Variants in LMBR1 observed in about 807,000 individuals in gnomAD.
LMBR1 encodes limb development membrane protein 1.
A neutral mutation model predicts 73.9 loss-of-function variants in LMBR1; 52 were observed. The observed-to-expected ratio is 0.70, with a 90% CI of 0.56 to 0.89. The LOEUF (loss-of-function observed/expected upper bound fraction) is 0.89, where lower values mean the gene tolerates loss of function less well. Among genes scored for constraint, LMBR1 ranks in the 40% least tolerant of loss-of-function variants. The pLI is 0.00. For missense variants in LMBR1, 539 were observed against 579.8 expected, an observed-to-expected ratio of 0.93 and a Z score of 0.72; for synonymous variants, 215 against 209.4, an observed-to-expected ratio of 1.03 and a Z score of -0.23.
intron 8 of LMBR1, among the ~76,000 whole-genome samples, chr7:156,758,650 A>G (rs1344226123): frequency 6.6e-6 from 1 of 152,172 alleles, no homozygotes; most frequent in East Asian, 1.9e-4. Flanking sequence ...GCCCTGTGAC[A>G]CAAATGCTCC....
At chr7:156,727,540 A>G (rs1816012852) in intron 12 of LMBR1, among the ~76,000 whole-genome samples, 1 of 152,210 alleles carries the variant, frequency 6.6e-6, no homozygotes, top group African/African-American at 2.4e-5. Context: ...GCTTGTACTC[A>G]TGGAGAAGAG....
chr7:156,766,690 C>A (rs1335395912), intron 5 of LMBR1, among the ~76,000 whole-genome samples: 2 of 152,030 alleles, frequency 1.3e-5, no homozygotes, highest in Admixed American at 1.3e-4. Flanking sequence ...AGTGTGCTCA[C>A]CCAAGTGGTG....
chr7:156,703,236 C>G (rs1585267358), intron 15 of LMBR1, among the ~76,000 whole-genome samples: 1 of 152,158 alleles, frequency 6.6e-6, no homozygotes, highest in South Asian at 2.1e-4. Context: ...ATTAGCAGCA[C>G]CAACCACTGG....
intron 4 of LMBR1, among the ~76,000 whole-genome samples, chr7:156,809,535 T>G (rs1458761007): frequency 1.3e-5 from 2 of 152,244 alleles, no homozygotes; most frequent in Non-Finnish European, 2.9e-5. Flanking sequence ...TGTAAATCTA[T>G]GTAAATAATT....
chr7:156,675,765 G>T (rs199618037), downstream of LMBR1: 2 of 1,613,924 alleles, frequency 1.2e-6, no homozygotes, highest in Admixed American at 1.7e-5. Context: ...TGCAGAAATC[G>T]ATCAGTGCTT....
intron 2 of LMBR1, among the ~76,000 whole-genome samples, chr7:156,835,686 C>T (rs1228524303): frequency 1.5e-5 from 2 of 133,230 alleles, no homozygotes; most frequent in Admixed American, 1.6e-4. Context: ...CAGAGTGAGA[C>T]TCCATCTCAA....
intron 9 of LMBR1, among the ~76,000 whole-genome samples, chr7:156,755,857 G>A (rs905848337): frequency 1.5e-4 from 23 of 152,290 alleles, no homozygotes; most frequent in African/African-American, 4.6e-4. Flanking sequence ...ACTGAAGAAA[G>A]TAGGTAGATA....
At chr7:156,887,267 A>T (rs1321356516) in intron 1 of LMBR1, among the ~76,000 whole-genome samples, 1 of 152,156 alleles carries the variant, frequency 6.6e-6, no homozygotes, top group African/African-American at 2.4e-5. Context: ...GATTGAGACC[A>T]TTCTGGCCAA....
rs1563237915 is a variant in LMBR1, at chr7:156,734,157, A to AG, written c.838+19dup. ...GAAACCAAGGCCAATACACAAGTCA[A>AG]GAAAAAAAAAGTACAATACCTAATT... is the stretch of plus-strand genomic sequence containing the variant. On this transcript the variant is annotated intron_variant, in intron 10 of 16. Coordinates refer to ENST00000353442, the MANE Select transcript of LMBR1 (RefSeq NM_022458.4). 2 of 1,507,556 alleles carry AG rather than the reference A, an allele frequency of 1.3e-6. No homozygotes were observed. Among genetic ancestry groups the AG allele is most frequent in the Admixed American group, 3.9e-5 (2 of 51,168 alleles). 93.4% of individuals were successfully genotyped at this position (1,507,556 alleles called of 1,614,324 possible).
At chr7:156,739,555 T>G (rs1047626932) in intron 9 of LMBR1, among the ~76,000 whole-genome samples, 6 of 151,954 alleles carry the variant, frequency 3.9e-5, no homozygotes, top group African/African-American at 1.5e-4. Flanking sequence ...GCCACAGGAG[T>G]GCTTGCATCA....
chr7:156,821,664 G>C (rs1262503073), intron 4 of LMBR1, among the ~76,000 whole-genome samples: 1 of 152,220 alleles, frequency 6.6e-6, no homozygotes, highest in Admixed American at 6.5e-5. Context: ...AAAAAAATGT[G>C]AAAGTATTTG....
At chr7:156,747,581 C>T (rs1246731483) in intron 9 of LMBR1, among the ~76,000 whole-genome samples, 1 of 152,118 alleles carries the variant, frequency 6.6e-6, no homozygotes, top group African/African-American at 2.4e-5. Context: ...ACAATTATCT[C>T]CCTAAACAAT....
chr7:156,865,658 A>G (rs1303515692), intron 1 of LMBR1, among the ~76,000 whole-genome samples: 2 of 152,240 alleles, frequency 1.3e-5, no homozygotes, highest in African/African-American at 4.8e-5. Flanking sequence ...TGGAGGACTC[A>G]CACTTCCCCA....
chr7:156,780,652 G>T (rs1826969221), intron 5 of LMBR1, among the ~76,000 whole-genome samples: 1 of 152,156 alleles, frequency 6.6e-6, no homozygotes, highest in Admixed American at 6.5e-5. Context: ...ACTAACACTT[G>T]CAGAGCTCCT....
chr7:156,876,505 C>T (rs1396008136), intron 1 of LMBR1, among the ~76,000 whole-genome samples: 1 of 152,172 alleles, frequency 6.6e-6, no homozygotes, highest in African/African-American at 2.4e-5. Flanking sequence ...TACCCAACAA[C>T]CGCTGAATAT....
intron 1 of LMBR1, among the ~76,000 whole-genome samples, chr7:156,880,523 A>G (rs1294605656): frequency 6.6e-6 from 1 of 152,212 alleles, no homozygotes; most frequent in Non-Finnish European, 1.5e-5. Context: ...AATAAAAAAA[A>G]AAGAAATTAA....
At chr7:156,881,398 G>A (rs114591058) in intron 1 of LMBR1, among the ~76,000 whole-genome samples, 2,730 of 152,254 alleles carry the variant, frequency 0.018, 86 homozygotes, top group African/African-American at 0.061. Context: ...GAAAAACACC[G>A]AAGGAAGCCT....
intron 5 of LMBR1, among the ~76,000 whole-genome samples, chr7:156,767,324 T>A (rs1300314204): frequency 6.6e-6 from 1 of 152,128 alleles, no homozygotes; most frequent in Non-Finnish European, 1.5e-5. Context: ...AATGACAAAT[T>A]TTTTCTAAAT....
chr7:156,829,175 C>T (rs148557229), intron 3 of LMBR1, among the ~76,000 whole-genome samples: 2 of 152,302 alleles, frequency 1.3e-5, no homozygotes, highest in African/African-American at 2.4e-5. Context: ...GCTCTCATGG[C>T]GACTGGCCAA....
Sources: gnomAD v4.1 joint callset for allele counts (sites outside exome capture counted in the v4.1 genomes callset) on GRCh38, gnomAD v4.1.1 for gene constraint, MANE v1.5 for transcripts, NCBI Gene and HGNC (gene_info 2026-07-23, HGNC 2026-07-21) for gene names.